CEMIP: variants seen among roughly 807,000 people sequenced by gnomAD.
CEMIP encodes the protein cell migration-inducing and hyaluronan-binding protein.
In CEMIP, 105 loss-of-function variants were observed where a neutral mutation model predicts 156.9. That is an observed-to-expected ratio of 0.67 (90% CI 0.57 to 0.79). The LOEUF is 0.79. Ranked by LOEUF, CEMIP falls within the 30% of genes least tolerant of loss-of-function variation. The pLI, the probability that CEMIP is intolerant of heterozygous loss-of-function variation, is 0.00. For missense variants in CEMIP, 1,457 were observed against 1,769.4 expected (o/e 0.82, Z 3.17); for synonymous variants, 676 against 668.4 (o/e 1.01, Z -0.17).
chr15:80,792,540 C>T (rs1029725485), intron 1 of CEMIP, among the ~76,000 whole-genome samples: 2 of 152,126 alleles, frequency 1.3e-5, no homozygotes, highest in Non-Finnish European at 2.9e-5. Context: ...ATTCTGTGTA[C>T]TATGTGAACT....
chr15:80,932,126 T>C lies in CEMIP; in HGVS notation c.2793+87T>C, dbSNP rs558829755. 1.2e-4 allele frequency: 170 copies of C among 1,476,270 alleles called. 2 individuals carry two copies. Among genetic ancestry groups the C allele is most frequent in the South Asian group, 6.6e-4 (58 of 88,020 alleles). The allele number at this position is 1,476,270 out of a possible 1,614,324, so 91.4% of individuals were successfully genotyped here. On this transcript the variant is annotated intron_variant, in intron 22 of 29. Transcript: ENST00000394685. The surrounding 1 kb of genome is among the most constrained non-coding windows in gnomAD (Gnocchi z 4.5). ...CCCCTGGGTCCCAGAGTTTGAGCTA[T>C]TGCCACCACCGCAGGGGTTGAGAAG...
chr15:80,939,717 T>C (rs929969866), intron 25 of CEMIP, among the ~76,000 whole-genome samples: 3 of 152,194 alleles, frequency 2.0e-5, no homozygotes, highest in African/African-American at 7.2e-5. Context: ...AGCAACGCCT[T>C]AGGGACCAGG....
At chr15:80,786,481 C>A (rs754205171) in intron 1 of CEMIP, among the ~76,000 whole-genome samples, 1 of 151,958 alleles carries the variant, frequency 6.6e-6, no homozygotes, top group African/African-American at 2.4e-5. Context: ...CCACCACTGC[C>A]TCCCAAAGTG....
chr15:80,862,593 C>T (rs767352408), intron 1 of CEMIP, among the ~76,000 whole-genome samples: 1 of 152,210 alleles, frequency 6.6e-6, no homozygotes, highest in Admixed American at 6.5e-5. Flanking sequence ...CCTCTCCATG[C>T]AGATAAGATG....
intron 25 of CEMIP, among the ~76,000 whole-genome samples, chr15:80,939,282 G>C (rs751409911): frequency 6.6e-6 from 1 of 152,138 alleles, no homozygotes; most frequent in Non-Finnish European, 1.5e-5. Flanking sequence ...CCTGCTCTAC[G>C]GGCTGAGCCA....
rs193021571 is a variant in CEMIP at position 80,867,498 on chromosome 15, C to T, written c.-175-6040C>T. On this transcript the variant is annotated intron_variant, in intron 1 of 29. Coordinates refer to ENST00000394685, the MANE Select transcript of CEMIP (RefSeq NM_001293298.2). ...AGAGAAACATGTTTCTTGCAGCATCCTGGGATGCCCTGATCTGCAGAGGCA... is the reference window on the plus strand; with the variant it reads ...AGAGAAACATGTTTCTTGCAGCATCTTGGGATGCCCTGATCTGCAGAGGCA... Among the ~76,000 whole-genome samples the T allele has an allele frequency of 1.7e-3, 262 of 152,314 alleles. 1 individual carries two copies. Among genetic ancestry groups the T allele is most frequent in the Middle Eastern group, 3.4e-3 (1 of 294 alleles).
chr15:80,895,804 G>A, intron 11 of CEMIP, 65 bp from the exon 12 acceptor site: 3 of 1,497,556 alleles, frequency 2.0e-6, no homozygotes, highest in South Asian at 1.1e-5. Context: ...AGGGAAAAAA[G>A]AGGTAGCCAA....
chr15:80,800,911 C>G (rs1385637142), intron 1 of CEMIP, among the ~76,000 whole-genome samples: 1 of 152,178 alleles, frequency 6.6e-6, no homozygotes, highest in Non-Finnish European at 1.5e-5. Context: ...CCTTGGGGCC[C>G]AGGGCCTACC....
rs1901781588 is a variant in CEMIP, at chr15:80,950,739, C to T, written c.*1815C>T. ...AATGCCCTGCTCTCTCCCTGGCCCA[C>T]CTTATAGAGAGCCCAAAGAGCTCCT... On this transcript the variant is annotated 3_prime_UTR_variant, in exon 30 of 30. Transcript: ENST00000394685. The T allele has an allele frequency of 6.5e-6, 1 of 152,782 alleles. No individual in the cohort carries two copies. Among genetic ancestry groups the T allele is most frequent in the Non-Finnish European group, 1.5e-5 (1 of 68,156 alleles). 9.5% of individuals were successfully genotyped at this position (152,782 alleles called of 1,614,324 possible).
At chr15:80,911,163 C>A (rs1251314868) in intron 14 of CEMIP, among the ~76,000 whole-genome samples, 1 of 152,210 alleles carries the variant, frequency 6.6e-6, no homozygotes, top group Non-Finnish European at 1.5e-5. Flanking sequence ...AAGCATGGAG[C>A]CCAGTGTGTG....
At chr15:80,896,804 G>T (rs1899245597) in intron 12 of CEMIP, among the ~76,000 whole-genome samples, 1 of 152,172 alleles carries the variant, frequency 6.6e-6, no homozygotes. Context: ...TTATTGAGAG[G>T]CTATTCAACT....
At chr15:80,858,780 T>C (rs1463537734) in intron 1 of CEMIP, among the ~76,000 whole-genome samples, 1 of 152,198 alleles carries the variant, frequency 6.6e-6, no homozygotes, top group Non-Finnish European at 1.5e-5. Flanking sequence ...TTTTGGCTTC[T>C]TATTAGTTAG....
chr15:80,874,013 G>A (rs748506911), intron 3 of CEMIP, 40 bp downstream of exon 3: 2 of 1,519,328 alleles, frequency 1.3e-6, no homozygotes, highest in South Asian at 2.4e-5. Context: ...ATCTCAGCAT[G>A]GAAGGCACGG....
chr15:80,802,556 A>G (rs1896404749), intron 1 of CEMIP, among the ~76,000 whole-genome samples: 1 of 152,226 alleles, frequency 6.6e-6, no homozygotes, highest in Non-Finnish European at 1.5e-5. Context: ...CATCGCTTTT[A>G]AAATAATGAC....
intron 1 of CEMIP, among the ~76,000 whole-genome samples, chr15:80,862,754 G>GC (rs763803864): frequency 1.3e-5 from 2 of 152,198 alleles, no homozygotes; most frequent in Non-Finnish European, 2.9e-5. Flanking sequence ...AGAGGCTGTG[G>GC]CTGTGAAATC....
At chr15:80,792,036 G>T (rs1896095034) in intron 1 of CEMIP, among the ~76,000 whole-genome samples, 1 of 152,120 alleles carries the variant, frequency 6.6e-6, no homozygotes, top group Non-Finnish European at 1.5e-5. Flanking sequence ...CAGACATTTG[G>T]GTGATTTTAG....
rs183265263 is a variant in CEMIP, at chr15:80,898,943, G to A, written c.1411+2883G>A. 1.6e-3 allele frequency among the ~76,000 whole-genome samples: 251 copies of A among 152,258 alleles called. 1 individual carries two copies. The highest frequency in any genetic ancestry group is 2.3e-3 in the Admixed American group (35 of 15,306). On this transcript the variant is annotated intron_variant, in intron 12 of 29. Coordinates refer to ENST00000394685, the MANE Select transcript of CEMIP (RefSeq NM_001293298.2). ...TAGAAAGCACATACAGGCCGGGCGC[G>A]GTGGCTCACGTCTGTAATTCCAGGA...
At chr15:80,895,312 C>T (rs986452630) in intron 11 of CEMIP, among the ~76,000 whole-genome samples, 190 bp downstream of exon 11, 3 of 152,192 alleles carry the variant, frequency 2.0e-5, no homozygotes, top group Admixed American at 6.5e-5. Flanking sequence ...GCCCATAAGC[C>T]TTTCAGGAAG....
At chr15:80,879,635 T>A in intron 4 of CEMIP, 81 bp from the exon 5 acceptor site, 1 of 1,555,336 alleles carries the variant, frequency 6.4e-7, no homozygotes, top group Non-Finnish European at 8.9e-7. Flanking sequence ...GGGGAGTGCT[T>A]AGGGAGTCTG....
Sources: allele counts gnomAD v4.1 joint callset (sites outside exome capture counted in the v4.1 genomes callset), GRCh38; gene constraint gnomAD v4.1.1; non-coding constraint Gnocchi (gnomAD v3.1); transcripts MANE v1.5; gene names NCBI Gene and HGNC (gene_info 2026-07-23, HGNC 2026-07-21).